DEPDC5: variants seen among roughly 807,000 people sequenced by gnomAD.
DEPDC5 encodes the protein DEP domain containing 5, GATOR1 subcomplex subunit.
Under a neutral mutation model 217.3 loss-of-function variants are expected in DEPDC5, and 73 were observed. The observed-to-expected ratio is 0.34, with a 90% CI of 0.28 to 0.41. The LOEUF (loss-of-function observed/expected upper bound fraction) is 0.41, where lower values mean the gene tolerates loss of function less well. Ranked by LOEUF, DEPDC5 falls within the 10% of genes least tolerant of loss-of-function variation. The probability of loss-of-function intolerance (pLI) is 1.00; values close to 1 mark genes in which losing one functional copy is unlikely to be tolerated. For missense variants in DEPDC5, 1,675 were observed against 2,070.1 expected (o/e 0.81, Z 3.70); for synonymous variants, 733 against 756.7 (o/e 0.97, Z 0.51).
At chr22:31,897,056 G>T (rs977892025) in intron 39 of DEPDC5, among the ~76,000 whole-genome samples, 3 of 152,072 alleles carry the variant, frequency 2.0e-5, no homozygotes, top group African/African-American at 7.2e-5. Context: ...GGCGGAGGTT[G>T]CAGGGAGCTG....
chr22:31,828,909 G>C (rs546052795), intron 24 of DEPDC5, among the ~76,000 whole-genome samples: 2 of 152,360 alleles, frequency 1.3e-5, no homozygotes, highest in African/African-American at 4.8e-5. Flanking sequence ...AAGCCGTCTT[G>C]TGGGGGATTG....
intron 4 of DEPDC5, among the ~76,000 whole-genome samples, chr22:31,761,824 C>T (rs1601609008): frequency 6.6e-6 from 1 of 151,542 alleles, no homozygotes; most frequent in Admixed American, 6.6e-5. Flanking sequence ...AAATATTAGC[C>T]GGGTGTGGTG....
chr22:31,777,264 GTTT>G (rs371773869), intron 7 of DEPDC5, among the ~76,000 whole-genome samples: 2 of 117,796 alleles, frequency 1.7e-5, no homozygotes, highest in African/African-American at 3.1e-5. Context: ...CTGGCCCTAA[GTTT>G]TTTTTTTTTT....
At chr22:31,886,885 A>C (rs929351427) in intron 38 of DEPDC5, among the ~76,000 whole-genome samples, 4 of 150,868 alleles carry the variant, frequency 2.7e-5, no homozygotes, top group African/African-American at 9.8e-5. Context: ...CCTGGCCAAC[A>C]TGGTGAAACC....
chr22:31,818,877 T>C lies in DEPDC5; in HGVS notation c.1667-145T>C, dbSNP rs2089416889. ...CAAACATATTTCATTTCTTTATAGT[T>C]TGACAGTTTTGCTCATTTCTCTCAC... On this transcript the variant is annotated intron_variant, in intron 21 of 42. Transcript: ENST00000651528. 5.3e-6 allele frequency: 4 copies of C among 753,308 alleles called. No individual in the cohort carries two copies. In the East Asian group the frequency reaches 1.0e-4, roughly 20 times the overall value. The allele number at this position is 753,308 out of a possible 1,614,324, so 46.7% of individuals were successfully genotyped here. A position where few individuals can be genotyped will look rare whatever the true frequency, so the allele number is the denominator to read the frequency against.
chr22:31,820,546 G>A (rs2089589662), intron 22 of DEPDC5, among the ~76,000 whole-genome samples: 1 of 151,992 alleles, frequency 6.6e-6, no homozygotes, highest in Non-Finnish European at 1.5e-5. Flanking sequence ...GCTGTAACTG[G>A]GGGGTCATGC....
intron 19 of DEPDC5, 130 bp downstream of exon 19, chr22:31,809,777 C>G (rs1262146017): frequency 8.4e-6 from 7 of 836,012 alleles, no homozygotes; most frequent in Admixed American, 6.6e-5. Context: ...GTCAGGAGTT[C>G]AAGACCAGCC....
intron 25 of DEPDC5, among the ~76,000 whole-genome samples, chr22:31,834,449 T>C (rs1162707059): frequency 1.3e-5 from 2 of 151,944 alleles, no homozygotes; most frequent in Admixed American, 6.6e-5. Context: ...GCAGAGAAAA[T>C]CCTACCATTT....
chr22:31,771,011 G>C (rs2083304633), intron 7 of DEPDC5, among the ~76,000 whole-genome samples: 1 of 152,032 alleles, frequency 6.6e-6, no homozygotes, highest in Non-Finnish European at 1.5e-5. Flanking sequence ...TCAAACTCCT[G>C]ATCTCAGGTG....
At chr22:31,773,301 C>T (rs760228982) in intron 7 of DEPDC5, among the ~76,000 whole-genome samples, 1 of 152,214 alleles carries the variant, frequency 6.6e-6, no homozygotes, top group Non-Finnish European at 1.5e-5. Flanking sequence ...AATACTCCCA[C>T]CTCAGCCTCC....
chr22:31,886,728 C>G (rs2093321687), intron 38 of DEPDC5, among the ~76,000 whole-genome samples: 1 of 141,236 alleles, frequency 7.1e-6, no homozygotes, highest in Non-Finnish European at 1.5e-5. Context: ...CCACTGCACT[C>G]CCGCCTGAAA....
chr22:31,792,224 T>A, intron 11 of DEPDC5, 122 bp downstream of exon 11: 2 of 705,930 alleles, frequency 2.8e-6, no homozygotes, highest in Admixed American at 2.2e-5. Context: ...TTTTCTGTTA[T>A]GGGGACAGTG....
At position 31,856,153 on chromosome 22, in the gene DEPDC5, GCGCA is replaced by G. The variant is rs1388851261; in HGVS notation, c.3156-1290_3156-1287del. 1.5e-3 allele frequency among the ~76,000 whole-genome samples: 164 copies of G among 108,248 alleles called. 3 individuals are homozygous for G. The South Asian group carries it at 0.022, about 15-fold the overall frequency. 71.0% of individuals were successfully genotyped at this position (108,248 alleles called of 152,430 possible). ...CAGAGATGTGCTGAGTTGGGCCAAC[GCGCA>G]CACACACACACACACACACACACAC... On this transcript the variant is annotated intron_variant, in intron 31 of 42. Coordinates refer to ENST00000651528, the MANE Select transcript of DEPDC5 (RefSeq NM_001242896.3).
At chr22:31,796,930 C>A (rs1009859723) in intron 12 of DEPDC5, among the ~76,000 whole-genome samples, 1 of 151,638 alleles carries the variant, frequency 6.6e-6, no homozygotes, top group African/African-American at 2.4e-5. Context: ...CTCCTGACCA[C>A]CTTATCCACC....
intron 12 of DEPDC5, among the ~76,000 whole-genome samples, chr22:31,796,729 C>T (rs2086280670): frequency 6.6e-6 from 1 of 151,818 alleles, no homozygotes; most frequent in Non-Finnish European, 1.5e-5. Flanking sequence ...TGGAGTCTCG[C>T]TCTTTCTCCC....
At chr22:31,904,724 A>T (rs2093726284) in intron 41 of DEPDC5, among the ~76,000 whole-genome samples, 3 of 152,250 alleles carry the variant, frequency 2.0e-5, no homozygotes, top group Admixed American at 2.0e-4. Flanking sequence ...AGCCTGGATG[A>T]CAGAGCAAGA....
At chr22:31,870,485 T>C (rs1424778048) in intron 33 of DEPDC5, 105 bp from the exon 34 acceptor site, 2 of 1,255,816 alleles carry the variant, frequency 1.6e-6, no homozygotes, top group Non-Finnish European at 2.1e-6. Flanking sequence ...TTTTTGTTTA[T>C]TTTTTGTGAA....
intron 38 of DEPDC5, among the ~76,000 whole-genome samples, chr22:31,884,401 CCG>C (rs760532628): frequency 5.3e-5 from 8 of 152,242 alleles, no homozygotes; most frequent in Non-Finnish European, 1.2e-4. Flanking sequence ...TCTATTCCCT[CCG>C]CTGGAACAGC....
intron 34 of DEPDC5, among the ~76,000 whole-genome samples, chr22:31,871,471 G>A: frequency 6.6e-6 from 1 of 152,142 alleles, no homozygotes; most frequent in East Asian, 1.9e-4. Flanking sequence ...GGTGTAATCT[G>A]TGTCTCATCT....
Sources: allele counts gnomAD v4.1 joint callset (sites outside exome capture counted in the v4.1 genomes callset), GRCh38; gene constraint gnomAD v4.1.1; transcripts MANE v1.5; gene names NCBI Gene and HGNC (gene_info 2026-07-23, HGNC 2026-07-21).